SCAPER: variants seen among roughly 807,000 people sequenced by gnomAD.
SCAPER encodes the protein S-phase cyclin A associated protein in the ER.
Under a neutral mutation model 182.2 loss-of-function variants are expected in SCAPER, and 98 were observed. The ratio of observed to expected loss-of-function variants is 0.54; its 90% CI spans 0.46 to 0.64. The LOEUF (loss-of-function observed/expected upper bound fraction) is 0.64. Ranked by LOEUF, SCAPER falls within the 30% of genes least tolerant of loss-of-function variation. The pLI is 0.00. For missense variants in SCAPER, 1,432 were observed against 1,690.0 expected (o/e 0.85, Z 2.68); for synonymous variants, 605 against 564.6 (o/e 1.07, Z -1.01).
chr15:76,424,172 C>A (rs1419754531), intron 26 of SCAPER, among the ~76,000 whole-genome samples: 4 of 152,056 alleles, frequency 2.6e-5, no homozygotes, highest in Non-Finnish European at 5.9e-5. Context: ...TCCTGGATAT[C>A]CTTGTTAACT....
rs138995609 is a variant in SCAPER at position 76,853,415 on chromosome 15, A to C, written c.195+4394T>G. Among the ~76,000 whole-genome samples, 813 of 152,304 alleles carry C rather than the reference A, an allele frequency of 5.3e-3. 12 individuals carry two copies. Among genetic ancestry groups the C allele is most frequent in the African/African-American group, 0.018 (754 of 41,574 alleles). On this transcript the variant is annotated intron_variant, in intron 4 of 31. Coordinates refer to ENST00000563290, the MANE Select transcript of SCAPER (RefSeq NM_020843.4). ...GCCAGTATCTTTGATGAACATTGAC[A>C]CAAAAATCCTCAACAAAATACATGC...
chr15:76,544,558 T>A (rs1597311968), intron 23 of SCAPER, among the ~76,000 whole-genome samples: 1 of 152,270 alleles, frequency 6.6e-6, no homozygotes, highest in East Asian at 1.9e-4. Context: ...AAGAAGCCAG[T>A]CACAAAAGAC....
intron 27 of SCAPER, chr15:76,385,154 C>T (rs1485788126): frequency 6.6e-6 from 1 of 152,156 alleles, no homozygotes; most frequent in Non-Finnish European, 1.5e-5. Context: ...CTGCACAATG[C>T]CTGACAAACC....
rs915299412 is a variant in SCAPER, at chr15:76,570,320, AT to A, written c.2838+3837del. ...ACCATTGATTGTCCTAGATGCCAACATTTTTTTTTTTCTCACCAGTCCTGCA... is the reference window on the plus strand; with the variant it reads ...ACCATTGATTGTCCTAGATGCCAACATTTTTTTTTTCTCACCAGTCCTGCA... On this transcript the variant is annotated intron_variant, in intron 23 of 31. Coordinates refer to ENST00000563290, the MANE Select transcript of SCAPER (RefSeq NM_020843.4). 6.6e-3 allele frequency among the ~76,000 whole-genome samples: 960 copies of A among 146,528 alleles called. 7 individuals carry two copies. Among genetic ancestry groups the A allele is most frequent in the African/African-American group, 0.02 (804 of 40,136 alleles).
At chr15:76,813,237 A>AC (rs1568219168) in intron 5 of SCAPER, among the ~76,000 whole-genome samples, 7 of 84,442 alleles carry the variant, frequency 8.3e-5, no homozygotes, top group Middle Eastern at 8.1e-3. Context: ...TAAAAAAAAA[A>AC]AAAAAAAAAA....
intron 24 of SCAPER, among the ~76,000 whole-genome samples, chr15:76,499,266 G>T (rs2040881574): frequency 6.6e-6 from 1 of 152,190 alleles, no homozygotes; most frequent in South Asian, 2.1e-4. Context: ...TGATGATGGA[G>T]GGTAAGTTAT....
intron 15 of SCAPER, among the ~76,000 whole-genome samples, chr15:76,745,110 G>C (rs2061725985): frequency 6.6e-6 from 1 of 152,056 alleles, no homozygotes; most frequent in Non-Finnish European, 1.5e-5. Context: ...ATAAACATGG[G>C]AACAATAGAT....
chr15:76,665,253 C>G (rs2056485096), intron 21 of SCAPER, among the ~76,000 whole-genome samples: 1 of 152,100 alleles, frequency 6.6e-6, no homozygotes. Context: ...ATTGATTAAG[C>G]CTAGTCATGG....
intron 20 of SCAPER, among the ~76,000 whole-genome samples, chr15:76,671,770 A>C (rs529201037): frequency 1.6e-4 from 23 of 146,882 alleles, no homozygotes; most frequent in African/African-American, 5.7e-4. Context: ...ACTCCGTTTA[A>C]AAAAAAAAAA....
chr15:76,723,861 G>T (rs1232993797), intron 17 of SCAPER, among the ~76,000 whole-genome samples: 1 of 152,140 alleles, frequency 6.6e-6, no homozygotes, highest in Non-Finnish European at 1.5e-5. Flanking sequence ...ACACTGATGG[G>T]TCTTGACTCT....
At chr15:76,382,475 T>C (rs1442024506) in intron 27 of SCAPER, among the ~76,000 whole-genome samples, 2 of 151,592 alleles carry the variant, frequency 1.3e-5, no homozygotes, top group African/African-American at 4.8e-5. Context: ...AGTCCCATGC[T>C]CTACCAACTG....
chr15:76,351,239 T>C lies in SCAPER; in HGVS notation c.4097A>G (p.Lys1366Arg), dbSNP rs1418308199. 1 of 1,609,180 alleles carries C rather than the reference T, an allele frequency of 6.2e-7. No homozygotes were observed. Among genetic ancestry groups the C allele is most frequent in the African/African-American group, 1.3e-5 (1 of 74,804 alleles). ...ATTTAATTTCAATAGAGACATACCT[T>C]TGGGTTGGTAAGGCTGGTTTTCCGC... ...GQAENQPYQP[K>R]GKCLGSQDYL... The change falls in exon 31 of 32, where the codon AAA becomes AGA. Residue 1366 changes from lysine (K) to arginine (R), a missense_variant and splice_region_variant. Coordinates refer to ENST00000563290, the MANE Select transcript of SCAPER (RefSeq NM_020843.4).
intron 25 of SCAPER, among the ~76,000 whole-genome samples, chr15:76,459,865 GT>G (rs2049023270): frequency 6.6e-6 from 1 of 152,014 alleles, no homozygotes; most frequent in African/African-American, 2.4e-5. Flanking sequence ...AGAGATAGGG[GT>G]CTAGTTTCAT....
At chr15:76,581,961 C>T (rs140012333) in intron 22 of SCAPER, among the ~76,000 whole-genome samples, 1 of 152,210 alleles carries the variant, frequency 6.6e-6, no homozygotes, top group Admixed American at 6.5e-5. Context: ...AAGGAACATA[C>T]CTCAACACAA....
intron 31 of SCAPER, chr15:76,350,149 A>G (rs2040436286): frequency 6.6e-6 from 1 of 152,236 alleles, no homozygotes; most frequent in African/African-American, 2.4e-5. Context: ...TGACTGGGTC[A>G]GGGCAGAACT....
intron 25 of SCAPER, among the ~76,000 whole-genome samples, chr15:76,444,554 AG>A (rs1161862571): frequency 2.6e-5 from 4 of 152,230 alleles, no homozygotes; most frequent in Non-Finnish European, 5.9e-5. Flanking sequence ...TTAGGGCTTA[AG>A]TCCAACAATT....
chr15:76,651,586 G>T lies in SCAPER; in HGVS notation c.2645+14067C>A, dbSNP rs971319811. Among the ~76,000 whole-genome samples the T allele has an allele frequency of 5.0e-5, 7 of 139,152 alleles. No homozygotes were observed. In the Admixed American group the frequency reaches 5.1e-4, roughly 10 times the overall value. 91.3% of individuals were successfully genotyped at this position (139,152 alleles called of 152,430 possible). A position where few individuals can be genotyped will look rare whatever the true frequency, so the allele number is the denominator to read the frequency against. ...AGAGATTGAAATCATGAATAAAGCA[G>T]TATCAATGTAGAAATTAAATTAGTA... On this transcript the variant is annotated intron_variant, in intron 21 of 31. Coordinates refer to ENST00000563290, the MANE Select transcript of SCAPER (RefSeq NM_020843.4).
chr15:76,589,973 G>C (rs757953465), intron 22 of SCAPER, among the ~76,000 whole-genome samples: 5 of 152,198 alleles, frequency 3.3e-5, no homozygotes, highest in Admixed American at 1.3e-4. Context: ...GTGTGTGTTT[G>C]GGGGTGGACC....
At chr15:76,764,874 T>C in intron 14 of SCAPER, 87 bp downstream of exon 14, 2 of 695,996 alleles carry the variant, frequency 2.9e-6, no homozygotes, top group Non-Finnish European at 4.7e-6. Context: ...TTTATGGTTA[T>C]TTTAGCTTCT....
Sources: allele counts gnomAD v4.1 joint callset (sites outside exome capture counted in the v4.1 genomes callset), GRCh38; gene constraint gnomAD v4.1.1; transcripts MANE v1.5; gene names NCBI Gene and HGNC (gene_info 2026-07-23, HGNC 2026-07-21).